The following GSE1 variants were observed in gnomAD, a reference collection of about 807,000 sequenced individuals.
The protein encoded by GSE1 is Gse1 coiled-coil protein.
A neutral mutation model predicts 112.6 loss-of-function variants in GSE1; 32 were observed. That is an observed-to-expected ratio of 0.28 (90% CI 0.21 to 0.38). The LOEUF (loss-of-function observed/expected upper bound fraction) is 0.38, where lower values mean the gene tolerates loss of function less well. Ranked by LOEUF, GSE1 falls within the 10% of genes least tolerant of loss-of-function variation. GSE1 has a pLI of 1.00. For missense variants in GSE1, 2,348 were observed against 1,699.2 expected, an observed-to-expected ratio of 1.38 and a Z score of -6.71; for synonymous variants, 1,115 against 735.6, an observed-to-expected ratio of 1.52 and a Z score of -8.35.
intron 1 of GSE1, among the ~76,000 whole-genome samples, chr16:85,566,701 C>A (rs1257020602): frequency 1.3e-5 from 2 of 152,208 alleles, no homozygotes; most frequent in African/African-American, 4.8e-5. Context: ...TCATTCTTGT[C>A]CTGTAATTCA....
Position 85,648,913 on chromosome 16 carries a change from C to T in GSE1, c.426+162C>T, listed in dbSNP as rs535878378. Among the ~76,000 whole-genome samples, 128 of 152,206 alleles carry T rather than the reference C, an allele frequency of 8.4e-4. 1 individual carries two copies. The highest frequency in any genetic ancestry group is 3.7e-3 in the Admixed American group (56 of 15,294). On this transcript the variant is annotated intron_variant, in intron 3 of 15. Transcript: ENST00000253458. Reference sequence around the variant, plus strand: ...CTTCTCTGCAACGTGAGGGTGACAGCGGCACCCTCCTGGAGGCCCTGTGCG... The same window carrying T: ...CTTCTCTGCAACGTGAGGGTGACAGTGGCACCCTCCTGGAGGCCCTGTGCG...
intron 2 of GSE1, among the ~76,000 whole-genome samples, chr16:85,506,429 G>C (rs2051537144): frequency 6.6e-6 from 1 of 152,160 alleles, no homozygotes; most frequent in South Asian, 2.1e-4. Context: ...AGCCCTGAGG[G>C]ATCTGGTGGG....
intron 1 of GSE1, among the ~76,000 whole-genome samples, chr16:85,631,154 G>A (rs1013754188): frequency 2.0e-5 from 3 of 152,226 alleles, no homozygotes; most frequent in East Asian, 3.9e-4. Context: ...GTGGGGCTCT[G>A]TCCTGTGCCA....
At chr16:85,554,795 A>ACGGACGGG (rs1430041227), upstream of GSE1, 6 of 679,472 alleles carry the variant, frequency 8.8e-6, no homozygotes, top group East Asian at 6.2e-4. Flanking sequence ...GGGAGGGAGG[A>ACGGACGGG]CGGACGGGCG....
At position 85,561,014 on chromosome 16, in the gene GSE1, C is replaced by T. The variant is rs188238692; in HGVS notation, c.37+4651C>T. Reference sequence around the variant, plus strand: ...GATCGTGGTGGTGCCTGCCTGTAGACCCAGCTACTCAGGAGGCTGAGGTGA... The same window carrying T: ...GATCGTGGTGGTGCCTGCCTGTAGATCCAGCTACTCAGGAGGCTGAGGTGA... On this transcript the variant is annotated intron_variant, in intron 1 of 2. Transcript: ENST00000635906. Among the ~76,000 whole-genome samples the T allele has an allele frequency of 5.9e-4, 90 of 152,120 alleles. 1 individual carries two copies. Among genetic ancestry groups the T allele is most frequent in the South Asian group, 1.7e-3 (8 of 4,820 alleles).
At chr16:85,310,140 G>T (rs999959468) in intron 1 of GSE1, among the ~76,000 whole-genome samples, 1 of 152,180 alleles carries the variant, frequency 6.6e-6, no homozygotes, top group African/African-American at 2.4e-5. Flanking sequence ...ACGCAGGCCT[G>T]TGCCTCCTGC....
At chr16:85,266,577 C>G (rs907775860) in intron 1 of GSE1, among the ~76,000 whole-genome samples, 2 of 152,156 alleles carry the variant, frequency 1.3e-5, no homozygotes, top group African/African-American at 4.8e-5. Context: ...TGTCACCCAG[C>G]AGACAAGGGA....
At chr16:85,349,575 G>T (rs1009392317) in intron 1 of GSE1, among the ~76,000 whole-genome samples, 1 of 152,044 alleles carries the variant, frequency 6.6e-6, no homozygotes, top group Non-Finnish European at 1.5e-5. Context: ...GTGCTCCTGG[G>T]CTGGCTGTGC....
chr16:85,365,363 C>G (rs1194032568), intron 2 of GSE1, among the ~76,000 whole-genome samples: 1 of 152,248 alleles, frequency 6.6e-6, no homozygotes, highest in African/African-American at 2.4e-5. Flanking sequence ...CACTCCTTCA[C>G]TCCTGCACTC....
intron 1 of GSE1, among the ~76,000 whole-genome samples, chr16:85,226,758 G>GGGGTGT: frequency 9.5e-6 from 1 of 104,890 alleles, no homozygotes; most frequent in East Asian, 2.9e-4. Context: ...TGCCTGGACT[G>GGGGTGT]GTGTGTGTGT....
At chr16:85,253,236 C>T (rs76784076) in intron 1 of GSE1, among the ~76,000 whole-genome samples, 16 of 152,292 alleles carry the variant, frequency 1.1e-4, no homozygotes, top group South Asian at 8.3e-4. Flanking sequence ...TCACAGCACC[C>T]GCCTGGCTTG....
upstream of GSE1, chr16:85,555,044 CTAT>C (rs1000847824): frequency 1.0e-5 from 10 of 985,252 alleles, no homozygotes; most frequent in Admixed American, 6.1e-5. Flanking sequence ...GCAAGTGAAA[CTAT>C]TATTATCGCC....
intron 2 of GSE1, among the ~76,000 whole-genome samples, chr16:85,389,673 C>T (rs55680316): frequency 0.17 from 26,446 of 152,094 alleles, 2,761 homozygotes; most frequent in East Asian, 0.53. Flanking sequence ...CCTGCTCTCA[C>T]GGCTGAGCCC....
At chr16:85,316,330 C>G (rs2045984897) in intron 1 of GSE1, among the ~76,000 whole-genome samples, 1 of 152,240 alleles carries the variant, frequency 6.6e-6, no homozygotes. Context: ...TTCCTTTCTT[C>G]CTATCAAGTC....
intron 2 of GSE1, among the ~76,000 whole-genome samples, chr16:85,447,433 C>T (rs749145135): frequency 2.6e-5 from 4 of 152,232 alleles, no homozygotes; most frequent in African/African-American, 9.6e-5. Context: ...CTTTGACTTT[C>T]TCATCTGAAA....
At chr16:85,235,559 A>T (rs1234370956) in intron 1 of GSE1, among the ~76,000 whole-genome samples, 2 of 69,498 alleles carry the variant, frequency 2.9e-5, no homozygotes, top group East Asian at 1.1e-3. Context: ...TAAAGGGACT[A>T]TATGTGTGTG....
intron 1 of GSE1, among the ~76,000 whole-genome samples, chr16:85,189,184 G>T (rs1429267156): frequency 1.3e-5 from 2 of 152,188 alleles, no homozygotes; most frequent in Admixed American, 1.3e-4. Flanking sequence ...GCTCCTGCCA[G>T]CTGAAGTTTC....
At position 85,668,266 on chromosome 16, in the gene GSE1, C is replaced by G. The variant is rs1426999776; in HGVS notation, c.3257C>G (p.Pro1086Arg). The change falls in exon 14 of 16, where the codon CCC (proline) becomes CGC (arginine). Residue 1086 changes from proline to arginine, a missense_variant. Coordinates refer to ENST00000253458, the MANE Select transcript of GSE1 (RefSeq NM_014615.5). Reference protein sequence around the residue: ...PPQHNGQQEPPTARKGPPTQE... With the variant: ...PPQHNGQQEPRTARKGPPTQE... ...CAGCACAATGGGCAGCAGGAGCCCC[C>G]CACTGCAAGGAAGGGCCCCCCAACC... 1 of 1,612,712 alleles carries G rather than the reference C, an allele frequency of 6.2e-7. No homozygotes were observed. The highest frequency in any genetic ancestry group is 8.5e-7 in the Non-Finnish European group (1 of 1,178,812).
At chr16:85,224,537 C>G (rs1480331950) in intron 1 of GSE1, among the ~76,000 whole-genome samples, 1 of 152,024 alleles carries the variant, frequency 6.6e-6, no homozygotes, top group East Asian at 1.9e-4. Context: ...TATCCAGACT[C>G]ATTCATTCAT....
Sources: gnomAD v4.1 joint callset for allele counts (sites outside exome capture counted in the v4.1 genomes callset) on GRCh38, gnomAD v4.1.1 for gene constraint, MANE v1.5 for transcripts, NCBI Gene and HGNC (gene_info 2026-07-23, HGNC 2026-07-21) for gene names.